Variants in HERC1 observed in about 807,000 individuals in gnomAD.
HERC1 encodes the protein probable E3 ubiquitin-protein ligase HERC1.
A neutral mutation model predicts 554.3 loss-of-function variants in HERC1; 160 were observed. That is an observed-to-expected ratio of 0.29 (90% CI 0.25 to 0.33). HERC1 has a LOEUF of 0.33. HERC1 is among the 10% of genes least tolerant of loss of function. HERC1 has a pLI of 1.00. For missense variants in HERC1, 4,919 were observed against 5,918.5 expected (o/e 0.83, Z 5.54); for synonymous variants, 2,175 against 2,131.7 (o/e 1.02, Z -0.56).
chr15:63,665,738 C>T (rs1429092299), intron 42 of HERC1, among the ~76,000 whole-genome samples, 181 bp downstream of exon 42: 1 of 152,166 alleles, frequency 6.6e-6, no homozygotes, highest in Admixed American at 6.5e-5. Flanking sequence ...CAAATCAAAA[C>T]TTGTCATGTC....
chr15:63,645,633 G>T lies in HERC1; in HGVS notation c.10928C>A (p.Thr3643Lys). The T allele has an allele frequency of 6.2e-7, 1 of 1,610,956 alleles. No homozygotes were observed. The highest frequency in any genetic ancestry group is 8.5e-7 in the Non-Finnish European group (1 of 1,178,506). The stretch of plus-strand genomic sequence containing the variant: ...TTTCACACTGTCTTCTTTGGCACAT[G>T]TCATAAGAATATGACCTGTAGGGTC... Reference protein sequence around the residue: ...KWDPTGHILMTCAKEDSVKLW... With the variant: ...KWDPTGHILMKCAKEDSVKLW... The change falls in exon 56 of 78, where the codon ACA becomes AAA. Residue 3643 changes from threonine (T) to lysine (K), a missense_variant. Thr to Lys is a moderately conservative substitution (Grantham distance 78). Coordinates refer to ENST00000443617, the MANE Select transcript of HERC1 (RefSeq NM_003922.4).
chr15:63,792,505 A>C (rs991332878), intron 1 of HERC1, among the ~76,000 whole-genome samples: 1 of 152,230 alleles, frequency 6.6e-6, no homozygotes, highest in African/African-American at 2.4e-5. Flanking sequence ...AGGAGTTTGG[A>C]GTATCCCCAA....
In HERC1 at chr15:63,626,163, A is replaced by C; in HGVS notation, c.13106-9T>G. ...CAGAGGTACTGACACACCTGTCCAGAAAGCAAATGGGCACTTATGAAGGAA... is the reference window on the plus strand; with the variant it reads ...CAGAGGTACTGACACACCTGTCCAGCAAGCAAATGGGCACTTATGAAGGAA... On this transcript the variant is annotated splice_polypyrimidine_tract_variant and intron_variant, in intron 70 of 77. Transcript: ENST00000443617. The C allele has an allele frequency of 3.7e-6, 6 of 1,609,538 alleles. No homozygotes were observed. The highest frequency in any genetic ancestry group is 5.1e-6 in the Non-Finnish European group (6 of 1,178,868).
At chr15:63,786,262 G>T (rs1034126595) in intron 1 of HERC1, among the ~76,000 whole-genome samples, 40 of 132,052 alleles carry the variant, frequency 3.0e-4, no homozygotes, top group Non-Finnish European at 5.7e-4. Context: ...AACACAGCAA[G>T]ATCATGTTTC....
chr15:63,788,890 A>C (rs1436113193), intron 1 of HERC1, among the ~76,000 whole-genome samples: 1 of 151,670 alleles, frequency 6.6e-6, no homozygotes, highest in African/African-American at 2.4e-5. Flanking sequence ...AAAAAAAAAA[A>C]AAATTTAGCA....
Position 63,616,398 on chromosome 15 carries a change from A to C in HERC1, c.13941+32T>G, listed in dbSNP as rs1335937802. On this transcript the variant is annotated intron_variant, in intron 75 of 77. Coordinates refer to ENST00000443617, the MANE Select transcript of HERC1 (RefSeq NM_003922.4). ...TAGTCTGTGCATATAGGACGTCAAC[A>C]CCAGTAGAAACATAGACTGGCCAGG... 1.9e-6 allele frequency: 3 copies of C among 1,599,120 alleles called. No individual in the cohort carries two copies. The African/African-American group carries it at 4.0e-5, about 21-fold the overall frequency.
chr15:63,660,027 G>T, intron 46 of HERC1, 91 bp from the exon 47 acceptor site: 1 of 1,046,074 alleles, frequency 9.6e-7, no homozygotes, highest in Non-Finnish European at 1.4e-6. Flanking sequence ...CATCTAAAAT[G>T]CAGATGAGCA....
intron 1 of HERC1, among the ~76,000 whole-genome samples, chr15:63,789,828 A>ATAAATAAATAAATAAG (rs1252631202): frequency 6.6e-6 from 1 of 150,780 alleles, no homozygotes; most frequent in Non-Finnish European, 1.5e-5. Flanking sequence ...AAATAAATAA[A>ATAAATAAATAAATAAG]TAAATAAATG....
intron 8 of HERC1, among the ~76,000 whole-genome samples, chr15:63,751,610 G>T (rs1173324647): frequency 1.3e-5 from 2 of 152,162 alleles, no homozygotes; most frequent in African/African-American, 4.8e-5. Flanking sequence ...TACAGAAGAG[G>T]CCTGAAAGTG....
rs2067632498 is a variant in HERC1 at position 63,612,202 on chromosome 15, T to A, written c.14400+49A>T. ...GACCCTGTCTCAACAAAAACAACAA[T>A]GAAGCAATAAGGCAGACATTACAAA... On this transcript the variant is annotated intron_variant, in intron 77 of 77. Coordinates refer to ENST00000443617, the MANE Select transcript of HERC1 (RefSeq NM_003922.4). This position sits in a 1 kb window ranked among gnomAD's most constrained non-coding sequence, Gnocchi z 5.0. 6.8e-7 allele frequency: 1 copy of A among 1,477,626 alleles called. No homozygotes were observed. The highest frequency in any genetic ancestry group is 2.1e-5 in the Admixed American group (1 of 48,258). The allele number at this position is 1,477,626 out of a possible 1,614,324, so 91.5% of individuals were successfully genotyped here. A position where few individuals can be genotyped will look rare whatever the true frequency, so the allele number is the denominator to read the frequency against.
chr15:63,791,801 A>C (rs2076662358), intron 1 of HERC1, among the ~76,000 whole-genome samples: 1 of 152,220 alleles, frequency 6.6e-6, no homozygotes, highest in Admixed American at 6.5e-5. Context: ...AGAATAAAGA[A>C]GTTGATATTT....
At chr15:63,747,151 C>T (rs2141671291) in intron 11 of HERC1, 68 bp from the exon 12 acceptor site, 1 of 1,441,834 alleles carries the variant, frequency 6.9e-7, no homozygotes, top group Non-Finnish European at 9.4e-7. Flanking sequence ...GTTTGGGTAA[C>T]ATTTTTATAT....
rs12912999 is a variant in HERC1, at chr15:63,758,101, G to A, written c.1221+74C>T. ...TTTTCACTCATTTAAAAAATACTCA[G>A]TATTATTTAATGCAAATAAGCATGA... On this transcript the variant is annotated intron_variant, in intron 4 of 77. Transcript: ENST00000443617. This position sits in a 1 kb window ranked among gnomAD's most constrained non-coding sequence, Gnocchi z 4.0. 0.81 allele frequency: 847,156 copies of A among 1,043,690 alleles called. 359,371 individuals are homozygous for A. Among genetic ancestry groups the A allele is most frequent in the Non-Finnish European group, 0.88 (619,787 of 707,964 alleles). The allele number at this position is 1,043,690 out of a possible 1,614,324, so 64.7% of individuals were successfully genotyped here. A position where few individuals can be genotyped will look rare whatever the true frequency, so the allele number is the denominator to read the frequency against.
chr15:63,761,604 T>G (rs984353197), intron 3 of HERC1, among the ~76,000 whole-genome samples: 10 of 139,982 alleles, frequency 7.1e-5, no homozygotes, highest in Non-Finnish European at 1.6e-4. Flanking sequence ...AAAAAAAAAA[T>G]GCAGAGAGTA....
chr15:63,619,913 C>G (rs985921247), intron 74 of HERC1, among the ~76,000 whole-genome samples: 32 of 151,516 alleles, frequency 2.1e-4, no homozygotes, highest in Non-Finnish European at 3.4e-4. Context: ...TGCTAGCAGT[C>G]TATCAATTTT....
chr15:63,635,033 ATT>A, intron 65 of HERC1, 145 bp from the exon 66 acceptor site: 3 of 481,554 alleles, frequency 6.2e-6, no homozygotes, highest in Non-Finnish European at 1.0e-5. Flanking sequence ...GCTTTTAAAA[ATT>A]TTTTTTTTTA....
chr15:63,664,592 G>C lies in HERC1; in HGVS notation c.8558C>G (p.Pro2853Arg). The C allele has an allele frequency of 6.2e-7, 1 of 1,611,978 alleles. No individual in the cohort carries two copies. Among genetic ancestry groups the C allele is most frequent in the Non-Finnish European group, 8.5e-7 (1 of 1,178,670 alleles). ...ATTCTCTGTATGATCCAAATTATCA[G>C]GGCTACAAGTGCAAGTGAGAAAGCA... Reference protein sequence around the residue: ...AEMEEGFSESPDNLDHTENAA... With the variant: ...AEMEEGFSESRDNLDHTENAA... Residue 2853 changes from proline (P) to arginine (R), a missense_variant and splice_region_variant, in exon 43 of 78, where the codon CCT (proline) becomes CGT (arginine). Pro to Arg is a moderately radical substitution (Grantham distance 103). This residue lies in a region of HERC1 where 1,963 missense variants were observed against 2,228.6 expected (regional missense o/e 0.88). Coordinates refer to ENST00000443617, the MANE Select transcript of HERC1 (RefSeq NM_003922.4).
chr15:63,610,624 T>C (rs568595728), intron 77 of HERC1, among the ~76,000 whole-genome samples: 1 of 152,356 alleles, frequency 6.6e-6, no homozygotes, highest in South Asian at 2.1e-4. Flanking sequence ...GGCTCTTTTA[T>C]AATCCTTCCT....
intron 70 of HERC1, among the ~76,000 whole-genome samples, chr15:63,626,588 A>G (rs2068309735): frequency 6.6e-6 from 1 of 152,218 alleles, no homozygotes; most frequent in South Asian, 2.1e-4. Flanking sequence ...AGCCAACTCC[A>G]TATTCACTAG....
Sources: allele counts gnomAD v4.1 joint callset (sites outside exome capture counted in the v4.1 genomes callset), GRCh38; gene constraint gnomAD v4.1.1; regional missense constraint gnomAD v4.1.1; non-coding constraint Gnocchi (gnomAD v3.1); transcripts MANE v1.5; gene names NCBI Gene and HGNC (gene_info 2026-07-23, HGNC 2026-07-21).